HELLS: variants seen among roughly 807,000 people sequenced by gnomAD.
HELLS encodes lymphoid-specific helicase.
In HELLS, 32 loss-of-function variants were observed where a neutral mutation model predicts 120.0. That is an observed-to-expected ratio of 0.27 (90% confidence interval 0.20 to 0.36). HELLS has a LOEUF of 0.36. Among genes scored for constraint, HELLS ranks in the 10% least tolerant of loss-of-function variants. The probability of loss-of-function intolerance (pLI) is 1.00; values close to 1 mark genes in which losing one functional copy is unlikely to be tolerated. For missense variants in HELLS, 650 were observed against 993.4 expected (o/e 0.65, Z 4.65); for synonymous variants, 341 against 323.4 (o/e 1.05, Z -0.58).
chr10:94,552,809 A>C (rs4918400), intron 2 of HELLS, among the ~76,000 whole-genome samples: 540 of 43,456 alleles, frequency 0.012, 18 homozygotes, highest in Admixed American at 0.077. Flanking sequence ...CTGTCTTTAC[A>C]AAAAAAAAAA....
Position 94,576,728 on chromosome 10 carries a change from C to T in HELLS, c.955C>T (p.Arg319Trp), listed in dbSNP as rs555694666. The T allele has an allele frequency of 3.4e-5, 54 of 1,610,906 alleles. No homozygotes were observed. Among genetic ancestry groups the T allele is most frequent in the Non-Finnish European group, 4.3e-5 (51 of 1,177,646 alleles). Residue 319 changes from arginine (R) to tryptophan (W), a missense_variant, in exon 10 of 22, where the codon CGG becomes TGG. By Grantham distance (101) the Arg-to-Trp change is moderately radical (BLOSUM62 -3). Transcript: ENST00000348459. The part of the protein sequence containing the change: ...RQKLVRNIYK[R>W]KGTLQIHPVV... ...AAAATTGGTAAGAAATATTTACAAA[C>T]GGAAAGGGACTTTGCAGATTCATCC...
In HELLS at chr10:94,554,132, A is replaced by G. The variant is rs747283119; in HGVS notation, c.160A>G (p.Met54Val). 2.5e-6 allele frequency: 4 copies of G among 1,578,646 alleles called. No individual in the cohort carries two copies. In the East Asian group the frequency reaches 7.0e-5, roughly 28 times the overall value. The change falls in exon 3 of 22, where the codon ATG becomes GTG. Residue 54 changes from methionine (M) to valine (V), a missense_variant. By Grantham distance (21) the Met-to-Val change is conservative (BLOSUM62 1). Around this residue, in one of 9 missense-constraint regions of HELLS, gnomAD observed 90 missense variants for 93.6 expected, o/e 0.96. Transcript: ENST00000348459. ...AAATTTTCTCTTTGGATAGGCTCGC[A>G]TGTCTTGGGATAGAGAGTCGACAGA... is the stretch of plus-strand genomic sequence containing the variant. ...RERKMLEKARMSWDRESTEIR... is the reference protein window; with the variant it reads ...RERKMLEKARVSWDRESTEIR...
Position 94,581,316 on chromosome 10 carries a change from C to T in HELLS, c.1033-10C>T, listed in dbSNP as rs912489275. On this transcript the variant is annotated splice_polypyrimidine_tract_variant and intron_variant, in intron 10 of 21. Transcript: ENST00000348459. ...TGTTTAAAAATCTTTTTCCTCAATT[C>T]GTTTTCTAGCATTGCTATTGGAAAT... 4.7e-6 allele frequency: 7 copies of T among 1,482,826 alleles called. No individual in the cohort carries two copies. Among genetic ancestry groups the T allele is most frequent in the East Asian group, 2.3e-5 (1 of 42,564 alleles). The allele number at this position is 1,482,826 out of a possible 1,614,324, so 91.9% of individuals were successfully genotyped here. A position where few individuals can be genotyped will look rare whatever the true frequency, so the allele number is the denominator to read the frequency against.
At chr10:94,564,748 G>A (rs1475565356) in intron 6 of HELLS, among the ~76,000 whole-genome samples, 1 of 151,878 alleles carries the variant, frequency 6.6e-6, no homozygotes, top group Non-Finnish European at 1.5e-5. Flanking sequence ...TGAGAAGCTG[G>A]GATTACAGGT....
At chr10:94,598,356 C>T (rs1032858065) in intron 21 of HELLS, among the ~76,000 whole-genome samples, 4 of 152,082 alleles carry the variant, frequency 2.6e-5, no homozygotes, top group Admixed American at 6.6e-5. Flanking sequence ...TGCAGGAGTG[C>T]GACTATAGCT....
At chr10:94,567,648 G>C (rs2134033538) in intron 6 of HELLS, among the ~76,000 whole-genome samples, 1 of 152,266 alleles carries the variant, frequency 6.6e-6, no homozygotes, top group Admixed American at 6.5e-5. Context: ...CCTGACACCT[G>C]TTATCCCAGC....
chr10:94,593,767 A>C (rs1057151764), intron 18 of HELLS, 152 bp downstream of exon 18: 20 of 561,304 alleles, frequency 3.6e-5, no homozygotes, highest in African/African-American at 2.1e-4. Flanking sequence ...GGTTCAAGTG[A>C]TTCTCTTGCC....
At position 94,545,918 on chromosome 10, in the gene HELLS, A is replaced by G. The variant is rs544217318; in HGVS notation, c.-4A>G. On this transcript the variant is annotated 5_prime_UTR_variant, in exon 1 of 22. Transcript: ENST00000348459. ...GGACCCGGTTCCCGGGTGAGTGTCC[A>G]GGCATGCCAGCGGAACGGCCCGCGG... The G allele has an allele frequency of 6.4e-7, 1 of 1,555,048 alleles. No individual in the cohort carries two copies. Among genetic ancestry groups the G allele is most frequent in the South Asian group, 1.2e-5 (1 of 84,314 alleles).
Position 94,588,273 on chromosome 10 carries a change from T to A in HELLS, c.1371T>A (p.Ala457=). 6.2e-7 allele frequency: 1 copy of A among 1,610,472 alleles called. No homozygotes were observed. The highest frequency in any genetic ancestry group is 8.5e-7 in the Non-Finnish European group (1 of 1,177,692). The change falls in exon 13 of 22, where the codon GCT becomes GCA. Residue 457 remains alanine (A), a synonymous_variant. Coordinates refer to ENST00000348459, the MANE Select transcript of HELLS (RefSeq NM_018063.5). ...FLLRRLKSDV[A]LEVPPKREVV... The stretch of plus-strand genomic sequence containing the variant: ...TGAGAAGACTGAAGTCTGATGTTGC[T>A]CTTGAAGTTCCTCCTAAACGAGAAG...
intron 4 of HELLS, among the ~76,000 whole-genome samples, chr10:94,561,480 T>A (rs1460052303): frequency 3.3e-5 from 5 of 152,246 alleles, no homozygotes; most frequent in South Asian, 2.1e-4. Flanking sequence ...ACTTAAAAAA[T>A]TTTTTTAGAG....
At chr10:94,583,868 G>C in intron 12 of HELLS, 1 of 403,334 alleles carries the variant, frequency 2.5e-6, no homozygotes, top group East Asian at 3.5e-5. Context: ...CCATTGTCTT[G>C]TTCTACTATA....
At chr10:94,564,777 T>C (rs190695027) in intron 6 of HELLS, among the ~76,000 whole-genome samples, 1 of 152,078 alleles carries the variant, frequency 6.6e-6, no homozygotes, top group Admixed American at 6.5e-5. Flanking sequence ...GTATTTTTAG[T>C]AGAGACAGGG....
Position 94,545,838 on chromosome 10 carries a change from G to A in HELLS, c.-84G>A. ...GGCGGGGGATTTGGCTAGAAGGCTG[G>A]GCCGGCAGCGGTTGTGAGGAGTTAG... On this transcript the variant is annotated 5_prime_UTR_variant, in exon 1 of 22. Transcript: ENST00000348459. 6.9e-7 allele frequency: 1 copy of A among 1,451,030 alleles called. No homozygotes were observed. The highest frequency in any genetic ancestry group is 9.5e-7 in the Non-Finnish European group (1 of 1,055,032). 89.9% of individuals were successfully genotyped at this position (1,451,030 alleles called of 1,614,324 possible). A position where few individuals can be genotyped will look rare whatever the true frequency, so the allele number is the denominator to read the frequency against.
chr10:94,575,232 T>C (rs927753551), intron 9 of HELLS, among the ~76,000 whole-genome samples: 5 of 151,464 alleles, frequency 3.3e-5, no homozygotes, highest in African/African-American at 1.2e-4. Flanking sequence ...CCGGAGTAGC[T>C]GGGATTACAA....
rs1250296495 is a variant in HELLS, at chr10:94,601,804, C to T, written c.*182C>T. 1 of 414,858 alleles carries T rather than the reference C, an allele frequency of 2.4e-6. No individual in the cohort carries two copies. Among genetic ancestry groups the T allele is most frequent in the Non-Finnish European group, 4.3e-6 (1 of 234,180 alleles). The allele number at this position is 414,858 out of a possible 1,614,324, so 25.7% of individuals were successfully genotyped here. A position where few individuals can be genotyped will look rare whatever the true frequency, so the allele number is the denominator to read the frequency against. Reference sequence around the variant, plus strand: ...GCCTTACCAAGAACAAAGAAGTATCCATATTAAGTTTAGATTTTCAGTTAA... The same window carrying T: ...GCCTTACCAAGAACAAAGAAGTATCTATATTAAGTTTAGATTTTCAGTTAA... On this transcript the variant is annotated 3_prime_UTR_variant, in exon 22 of 22. Transcript: ENST00000348459.
rs1356414350 is a variant in HELLS at position 94,585,369 on chromosome 10, T to G, written c.1326+2310T>G. Among the ~76,000 whole-genome samples the G allele has an allele frequency of 3.2e-4, 46 of 142,476 alleles. 1 individual carries two copies. 93.5% of individuals were successfully genotyped at this position (142,476 alleles called of 152,430 possible). A position where few individuals can be genotyped will look rare whatever the true frequency, so the allele number is the denominator to read the frequency against. On this transcript the variant is annotated intron_variant, in intron 12 of 21. Transcript: ENST00000348459. ...TAATAGTTTTTTTGTTTTGTTTTTT[T>G]TTTTTGTTTGTTTTTGTTTTTTTTT...
chr10:94,609,256 C>T (rs1292666749), intron 9 of HELLS, among the ~76,000 whole-genome samples: 2 of 152,062 alleles, frequency 1.3e-5, no homozygotes, highest in Non-Finnish European at 2.9e-5. Flanking sequence ...CTCCTGACCT[C>T]AGGTGATCCA....
At chr10:94,566,450 G>A (rs1181984171) in intron 6 of HELLS, among the ~76,000 whole-genome samples, 1 of 152,086 alleles carries the variant, frequency 6.6e-6, no homozygotes, top group Non-Finnish European at 1.5e-5. Flanking sequence ...AATTATATTT[G>A]CCTCCAATTT....
chr10:94,580,138 TATATATATATATATATATATATATACAC>T (rs1347178564), intron 10 of HELLS, among the ~76,000 whole-genome samples: 8 of 44,434 alleles, frequency 1.8e-4, no homozygotes, highest in East Asian at 1.5e-3. Flanking sequence ...TATATATATA[TATATATATATATATATATATATATACAC>T]ACACACACAC....
Sources: gnomAD v4.1 joint callset for allele counts (sites outside exome capture counted in the v4.1 genomes callset) on GRCh38, gnomAD v4.1.1 for gene constraint, gnomAD v4.1.1 regional missense constraint, MANE v1.5 for transcripts, NCBI Gene and HGNC (gene_info 2026-07-23, HGNC 2026-07-21) for gene names.